Variants in RDH13 observed in about 807,000 individuals in gnomAD.
RDH13 encodes retinol dehydrogenase 13, also known as retinol dehydrogenase 13 (all-trans and 9-cis).
In RDH13, 35 loss-of-function variants were observed where a neutral mutation model predicts 28.3. The ratio of observed to expected loss-of-function variants is 1.24; its 90% CI spans 0.95 to 1.64. The LOEUF is 1.64. Among genes scored for constraint, RDH13 ranks in the 40% most tolerant of loss-of-function variants. The pLI is 0.00. For synonymous variants in RDH13, 229 were observed against 198.5 expected (o/e 1.15, Z -1.29); for missense variants, 514 against 446.3 (o/e 1.15, Z -1.37).
At chr19:55,064,981 T>C (rs2147089386), upstream of RDH13, among the ~76,000 whole-genome samples, 1 of 149,714 alleles carries the variant, frequency 6.7e-6, no homozygotes. Flanking sequence ...AGGTGGACGG[T>C]GGTGATGGTT....
At chr19:55,045,878 G>A (rs187809237) in intron 6 of RDH13, among the ~76,000 whole-genome samples, 242 of 150,894 alleles carry the variant, frequency 1.6e-3, no homozygotes, top group Non-Finnish European at 1.3e-3. Flanking sequence ...CCTGGGAGGC[G>A]GAGGTTGCAG....
rs111890060 is a variant in RDH13, at chr19:55,059,796, G to A, written c.66-521C>T. Among the ~76,000 whole-genome samples the A allele has an allele frequency of 1.8e-3, 274 of 152,326 alleles. 1 individual carries two copies. The highest frequency in any genetic ancestry group is 2.4e-3 in the Admixed American group (36 of 15,290). ...GTACTTTGAACAATTGCTTTGCTGAGATGTTGTTAATTTGTAGCTTTGACC... is the reference window on the plus strand; with the variant it reads ...GTACTTTGAACAATTGCTTTGCTGAAATGTTGTTAATTTGTAGCTTTGACC... On this transcript the variant is annotated intron_variant, in intron 1 of 6. Coordinates refer to ENST00000415061, the MANE Select transcript of RDH13 (RefSeq NM_001145971.2).
intron 3 of RDH13, 104 bp downstream of exon 3, chr19:55,056,549 C>A: frequency 7.0e-7 from 1 of 1,433,596 alleles, no homozygotes; most frequent in South Asian, 1.5e-5. Flanking sequence ...TCATAGTTTG[C>A]CAAAACTCTG....
chr19:55,061,534 T>G (rs185503176), intron 1 of RDH13, among the ~76,000 whole-genome samples: 56 of 151,074 alleles, frequency 3.7e-4, no homozygotes, highest in Admixed American at 2.2e-3. Context: ...CTCACACCTG[T>G]AATCCCAGCA....
At chr19:55,067,006 TA>T (rs1308498535), upstream of RDH13, among the ~76,000 whole-genome samples, 5 of 152,138 alleles carry the variant, frequency 3.3e-5, no homozygotes, top group African/African-American at 1.2e-4. Flanking sequence ...TTGAGTAAAA[TA>T]GATATGATCC....
chr19:55,046,032 G>C (rs2075219045), intron 6 of RDH13, among the ~76,000 whole-genome samples: 1 of 150,420 alleles, frequency 6.6e-6, no homozygotes, highest in African/African-American at 2.4e-5. Context: ...TGGATCACCT[G>C]AGGTCAGGAG....
intron 6 of RDH13, chr19:55,047,139 CGGCCTCTTCCTCTGA>C (rs2075262069): frequency 7.1e-7 from 1 of 1,398,696 alleles, no homozygotes. Context: ...GTCAGCTCCA[CGGCCTCTTCCTCTGA>C]GACACGGTTT....
At chr19:55,047,349 G>A in intron 6 of RDH13, 38 bp downstream of exon 6, 1 of 1,598,248 alleles carries the variant, frequency 6.3e-7, no homozygotes, top group Non-Finnish European at 8.5e-7. Flanking sequence ...AGGGGTGGAG[G>A]GCTCCACGTG....
intron 3 of RDH13, among the ~76,000 whole-genome samples, chr19:55,053,053 T>C (rs1435716802): frequency 1.3e-5 from 2 of 152,170 alleles, no homozygotes. Flanking sequence ...GGGTACCTGC[T>C]TCCTGGGGCT....
At chr19:55,051,428 T>TC (rs1471989746) in intron 3 of RDH13, among the ~76,000 whole-genome samples, 2 of 151,758 alleles carry the variant, frequency 1.3e-5, no homozygotes, top group Non-Finnish European at 1.5e-5. Context: ...TTGGTTTTTT[T>TC]TCTTTTTTTT....
downstream of RDH13, chr19:55,040,502 G>T (rs1016931268): frequency 1.3e-5 from 2 of 152,126 alleles, no homozygotes; most frequent in Non-Finnish European, 2.9e-5. Context: ...GAACTATCAG[G>T]GTGTTGATAT....
At chr19:55,062,817 A>G in intron 1 of RDH13, 151 bp downstream of exon 1, 2 of 594,336 alleles carry the variant, frequency 3.4e-6, no homozygotes, top group East Asian at 3.5e-5. Context: ...GGCCGGCCAG[A>G]GCGCAGGTTT....
chr19:55,054,108 CTG>C (rs2075554790), intron 3 of RDH13, among the ~76,000 whole-genome samples: 1 of 152,172 alleles, frequency 6.6e-6, no homozygotes, highest in African/African-American at 2.4e-5. Flanking sequence ...CTCCCTAGGG[CTG>C]TGAGTGGCAC....
chr19:55,046,975 G>C (rs540700497), intron 6 of RDH13: 1 of 269,504 alleles, frequency 3.7e-6, no homozygotes, highest in South Asian at 1.2e-4. Context: ...GGAAGGTCTC[G>C]TATAACCCCC....
At chr19:55,059,120 G>C (rs771759709) in intron 2 of RDH13, 37 bp downstream of exon 2, 1 of 1,344,744 alleles carries the variant, frequency 7.4e-7, no homozygotes, top group Non-Finnish European at 1.0e-6. Context: ...TGGATGTACA[G>C]ATATCTCTCT....
At chr19:55,064,990 T>C (rs1003789787), upstream of RDH13, among the ~76,000 whole-genome samples, 2 of 149,880 alleles carry the variant, frequency 1.3e-5, no homozygotes, top group Non-Finnish European at 2.9e-5. Flanking sequence ...GTGGTGATGG[T>C]TGCACAACAA....
chr19:55,047,558 C>G, intron 5 of RDH13, 70 bp from the exon 6 acceptor site: 1 of 1,527,332 alleles, frequency 6.5e-7, no homozygotes, highest in Non-Finnish European at 8.8e-7. Flanking sequence ...GCAGCCCACA[C>G]CCAGCTGTGG....
chr19:55,045,604 C>T (rs1457474208), intron 6 of RDH13, among the ~76,000 whole-genome samples: 1 of 152,192 alleles, frequency 6.6e-6, no homozygotes, highest in East Asian at 1.9e-4. Context: ...CCCCATTTCT[C>T]CTTTAATAAC....
chr19:55,039,156 C>A (rs999875359), exon 3 of RDH13: 1 of 152,218 alleles, frequency 6.6e-6, no homozygotes, highest in African/African-American at 2.4e-5. Flanking sequence ...AAAGGTGAAA[C>A]CACCCACATG....
Sources: gnomAD v4.1 joint callset for allele counts (sites outside exome capture counted in the v4.1 genomes callset) on GRCh38, gnomAD v4.1.1 for gene constraint, MANE v1.5 for transcripts, NCBI Gene and HGNC (gene_info 2026-07-23, HGNC 2026-07-21) for gene names.